ADGRB3: variants seen among roughly 807,000 people sequenced by gnomAD.
ADGRB3 encodes brain-specific angiogenesis inhibitor 3.
A neutral mutation model predicts 193.4 loss-of-function variants in ADGRB3; 37 were observed. The ratio of observed to expected loss-of-function variants is 0.19; its 90% CI spans 0.15 to 0.25. The LOEUF is 0.25. ADGRB3 is among the 10% of genes least tolerant of loss of function. The probability of loss-of-function intolerance (pLI) is 1.00; values close to 1 mark genes in which losing one functional copy is unlikely to be tolerated. For missense variants in ADGRB3, 1,637 were observed against 1,852.9 expected, an observed-to-expected ratio of 0.88 and a Z score of 2.14; for synonymous variants, 690 against 644.2, an observed-to-expected ratio of 1.07 and a Z score of -1.08.
chr6:68,744,953 A>G (rs1014119383), intron 3 of ADGRB3, among the ~76,000 whole-genome samples: 1 of 152,164 alleles, frequency 6.6e-6, no homozygotes, highest in Non-Finnish European at 1.5e-5. Flanking sequence ...AAGTAAAGCA[A>G]TTTTGTAACA....
intron 3 of ADGRB3, among the ~76,000 whole-genome samples, chr6:68,762,830 A>T (rs1766437435): frequency 6.6e-6 from 1 of 152,122 alleles, no homozygotes; most frequent in African/African-American, 2.4e-5. Flanking sequence ...AAACCTGCTA[A>T]GTGAATTATT....
At chr6:68,683,901 G>A (rs1764938578) in intron 3 of ADGRB3, among the ~76,000 whole-genome samples, 2 of 152,148 alleles carry the variant, frequency 1.3e-5, no homozygotes, top group Admixed American at 6.6e-5. Context: ...ACAGATGTAA[G>A]TGCATAGGAC....
intron 17 of ADGRB3, among the ~76,000 whole-genome samples, chr6:69,151,711 T>C (rs185897024): frequency 1.4e-3 from 213 of 152,316 alleles, no homozygotes; most frequent in Admixed American, 3.7e-3. Context: ...CGTATATTTC[T>C]GATACCATAA....
In ADGRB3 at chr6:69,218,932, C is replaced by A. The variant is rs569084195; in HGVS notation, c.2481-14358C>A. Among the ~76,000 whole-genome samples, 87 of 152,194 alleles carry A rather than the reference C, an allele frequency of 5.7e-4. 1 individual carries two copies. Among genetic ancestry groups the A allele is most frequent in the African/African-American group, 2.1e-3 (86 of 41,520 alleles). ...TATTTCTCTCATTTGTAAAAAGGTACAGAAGCCACTTTAGTAATATAAAAC... is the reference window on the plus strand; with the variant it reads ...TATTTCTCTCATTTGTAAAAAGGTAAAGAAGCCACTTTAGTAATATAAAAC... On this transcript the variant is annotated intron_variant, in intron 17 of 31. Transcript: ENST00000370598.
intron 3 of ADGRB3, among the ~76,000 whole-genome samples, chr6:68,926,879 T>C (rs1265214386): frequency 6.6e-6 from 1 of 152,156 alleles, no homozygotes; most frequent in African/African-American, 2.4e-5. Context: ...ATGATCTACT[T>C]ACATATTCCT....
chr6:68,887,809 T>G (rs1343826809), intron 3 of ADGRB3, among the ~76,000 whole-genome samples: 1 of 152,174 alleles, frequency 6.6e-6, no homozygotes, highest in Admixed American at 6.5e-5. Context: ...AGCCAAAAGT[T>G]AAGTGGCTGC....
intron 30 of ADGRB3, among the ~76,000 whole-genome samples, chr6:69,373,563 A>G (rs1053288851): frequency 2.0e-5 from 3 of 152,102 alleles, no homozygotes; most frequent in East Asian, 1.9e-4. Context: ...AGCATTGAAT[A>G]TATATTTAAT....
chr6:68,824,830 G>A (rs751882424), intron 3 of ADGRB3, among the ~76,000 whole-genome samples: 14 of 151,188 alleles, frequency 9.3e-5, no homozygotes, highest in Non-Finnish European at 1.6e-4. Context: ...ATGTTATAAT[G>A]TGCATCCAGT....
chr6:69,165,704 T>C (rs946148239), intron 17 of ADGRB3, among the ~76,000 whole-genome samples: 2 of 152,074 alleles, frequency 1.3e-5, no homozygotes, highest in South Asian at 4.1e-4. Context: ...TATAGTTTAC[T>C]CACCTGTCTC....
chr6:69,319,183 G>T (rs1404652394), intron 20 of ADGRB3, among the ~76,000 whole-genome samples: 1 of 150,938 alleles, frequency 6.6e-6, no homozygotes, highest in Non-Finnish European at 1.5e-5. Flanking sequence ...TCATATATAT[G>T]CTGCCATAAT....
intron 13 of ADGRB3, among the ~76,000 whole-genome samples, chr6:69,031,116 C>CTTCTCTTCTCTTCTCT (rs58370570): frequency 2.6e-4 from 13 of 49,406 alleles, no homozygotes; most frequent in African/African-American, 9.7e-4. Context: ...CTTCTCTTCT[C>CTTCTCTTCTCTTCTCT]TCTCTTCTCT....
intron 6 of ADGRB3, among the ~76,000 whole-genome samples, chr6:68,945,778 G>C (rs563728941): frequency 6.6e-6 from 1 of 152,078 alleles, no homozygotes; most frequent in Non-Finnish European, 1.5e-5. Context: ...AAAATCCTTA[G>C]ATATCAGTAG....
At chr6:69,228,682 GT>G (rs1766071895) in intron 17 of ADGRB3, among the ~76,000 whole-genome samples, 1 of 152,110 alleles carries the variant, frequency 6.6e-6, no homozygotes, top group South Asian at 2.1e-4. Flanking sequence ...TATGTTTTAT[GT>G]TGGTGTTACT....
intron 15 of ADGRB3, among the ~76,000 whole-genome samples, chr6:69,055,546 C>A (rs1272173112): frequency 6.6e-6 from 1 of 152,174 alleles, no homozygotes; most frequent in Non-Finnish European, 1.5e-5. Flanking sequence ...CATTGATGGA[C>A]AATCAGCTTG....
chr6:68,660,898 G>T (rs1768614750), intron 3 of ADGRB3, among the ~76,000 whole-genome samples: 1 of 150,892 alleles, frequency 6.6e-6, no homozygotes, highest in Non-Finnish European at 1.5e-5. Flanking sequence ...AAATAAGCTG[G>T]ATAAATGGCT....
intron 20 of ADGRB3, among the ~76,000 whole-genome samples, chr6:69,308,220 A>G (rs893723012): frequency 6.6e-6 from 1 of 151,494 alleles, no homozygotes; most frequent in Non-Finnish European, 1.5e-5. Flanking sequence ...TGGGAAGGTT[A>G]TCTAGTCTCA....
At chr6:69,139,221 C>T (rs1774240918) in intron 17 of ADGRB3, among the ~76,000 whole-genome samples, 1 of 152,196 alleles carries the variant, frequency 6.6e-6, no homozygotes, top group Admixed American at 6.5e-5. Context: ...TCAGCTCACC[C>T]ATTTTCCTCT....
chr6:69,294,557 G>A (rs190480210), intron 20 of ADGRB3, among the ~76,000 whole-genome samples: 3 of 152,160 alleles, frequency 2.0e-5, no homozygotes, highest in South Asian at 2.1e-4. Flanking sequence ...AATTCGCTCC[G>A]ACACTTCCCA....
At chr6:69,319,629 T>A (rs1161574100) in intron 20 of ADGRB3, among the ~76,000 whole-genome samples, 2 of 151,396 alleles carry the variant, frequency 1.3e-5, no homozygotes, top group Non-Finnish European at 3.0e-5. Flanking sequence ...ATTGTTTTTA[T>A]AAAGATGTGT....
Sources: gnomAD v4.1 joint callset for allele counts (sites outside exome capture counted in the v4.1 genomes callset) on GRCh38, gnomAD v4.1.1 for gene constraint, MANE v1.5 for transcripts, NCBI Gene and HGNC (gene_info 2026-07-23, HGNC 2026-07-21) for gene names.